DGKB: variants seen among roughly 807,000 people sequenced by gnomAD.
DGKB encodes the protein 90 kDa diacylglycerol kinase.
A neutral mutation model predicts 114.3 loss-of-function variants in DGKB; 67 were observed. The observed-to-expected ratio is 0.59, with a 90% CI of 0.48 to 0.72. The LOEUF is 0.72. Ranked by LOEUF, DGKB falls within the 30% of genes least tolerant of loss-of-function variation. The pLI, the probability that DGKB is intolerant of heterozygous loss-of-function variation, is 0.00. For missense variants in DGKB, 907 were observed against 975.2 expected (o/e 0.93, Z 0.93); for synonymous variants, 398 against 323.1 (o/e 1.23, Z -2.49).
At chr7:14,260,331 A>T (rs1025778829) in intron 23 of DGKB, among the ~76,000 whole-genome samples, 5 of 152,200 alleles carry the variant, frequency 3.3e-5, no homozygotes, top group African/African-American at 1.2e-4. Flanking sequence ...TGATTATGGT[A>T]TGAATTTGGA....
chr7:14,699,357 A>G (rs1261466492), intron 7 of DGKB, among the ~76,000 whole-genome samples: 1 of 152,070 alleles, frequency 6.6e-6, no homozygotes, highest in Non-Finnish European at 1.5e-5. Flanking sequence ...AAGTTCCCGG[A>G]TATCTTTTAA....
intron 1 of DGKB, among the ~76,000 whole-genome samples, chr7:14,873,011 C>A (rs371837693): frequency 3.5e-4 from 53 of 151,972 alleles, no homozygotes; most frequent in African/African-American, 1.0e-3. Flanking sequence ...GCCTCCGATG[C>A]CAAAGTGTAA....
Position 14,147,991 on chromosome 7 carries a change from G to C in DGKB, c.*1140C>G, listed in dbSNP as rs559355162. The stretch of plus-strand genomic sequence containing the variant: ...TGCATGATTCGCTTCCAAGAGCTCA[G>C]TATTATTACAGGTACCCATTTATAC... On this transcript the variant is annotated 3_prime_UTR_variant, in exon 26 of 26. Coordinates refer to ENST00000402815, the MANE Select transcript of DGKB (RefSeq NM_001350709.2). 2.6e-5 allele frequency: 4 copies of C among 152,198 alleles called. No individual in the cohort carries two copies. Among genetic ancestry groups the C allele is most frequent in the African/African-American group, 9.6e-5 (4 of 41,552 alleles). 9.4% of individuals were successfully genotyped at this position (152,198 alleles called of 1,614,324 possible). A position where few individuals can be genotyped will look rare whatever the true frequency, so the allele number is the denominator to read the frequency against.
intron 13 of DGKB, among the ~76,000 whole-genome samples, chr7:14,665,071 C>G (rs754533884): frequency 7.2e-5 from 11 of 152,052 alleles, no homozygotes; most frequent in Non-Finnish European, 1.6e-4. Context: ...TATCATACAA[C>G]TTCAACTTTA....
chr7:14,628,591 TATTTTAAGTTAAACATTTA>T (rs1219273426), intron 14 of DGKB, among the ~76,000 whole-genome samples: 1 of 152,174 alleles, frequency 6.6e-6, no homozygotes, highest in African/African-American at 2.4e-5. Flanking sequence ...TAAATGTACA[TATTTTAAGTTAAACATTTA>T]ATGTATGTAT....
chr7:14,744,226 G>A (rs2128417990), intron 4 of DGKB, among the ~76,000 whole-genome samples: 1 of 152,228 alleles, frequency 6.6e-6, no homozygotes, highest in Middle Eastern at 3.4e-3. Context: ...AACTATCTGT[G>A]AGTATTCTTA....
intron 5 of DGKB, among the ~76,000 whole-genome samples, chr7:14,733,812 GGGAA>G (rs147099330): frequency 0.2 from 30,128 of 149,048 alleles, 3,902 homozygotes; most frequent in East Asian, 0.5. Flanking sequence ...GAGGGAAGGA[GGGAA>G]GGAAGGAAGG....
chr7:14,191,008 G>T (rs924319519), intron 23 of DGKB: 1 of 154,650 alleles, frequency 6.5e-6, no homozygotes, highest in Non-Finnish European at 1.5e-5. Context: ...CCTGAACATG[G>T]TATCACCATT....
chr7:14,697,821 GGAGA>G (rs780492348), intron 8 of DGKB, among the ~76,000 whole-genome samples: 1 of 140,780 alleles, frequency 7.1e-6, no homozygotes, highest in South Asian at 2.3e-4. Flanking sequence ...AGAAAGGAAA[GGAGA>G]GAGAGAGAAG....
chr7:14,846,625 A>G (rs1279563179), intron 1 of DGKB, among the ~76,000 whole-genome samples: 1 of 152,190 alleles, frequency 6.6e-6, no homozygotes, highest in Non-Finnish European at 1.5e-5. Flanking sequence ...GTTCCCCTGC[A>G]GAAGTCTTTC....
chr7:14,622,913 A>G (rs1807916993), intron 14 of DGKB, among the ~76,000 whole-genome samples: 1 of 152,170 alleles, frequency 6.6e-6, no homozygotes, highest in Non-Finnish European at 1.5e-5. Context: ...GATGTGGTCA[A>G]ATGTCAGAGA....
chr7:14,670,284 T>C (rs1050225591), intron 13 of DGKB, among the ~76,000 whole-genome samples: 2 of 49,270 alleles, frequency 4.1e-5, no homozygotes, highest in Non-Finnish European at 6.7e-5. Flanking sequence ...TATGTTATAC[T>C]ATATATATAT....
At chr7:14,259,725 C>T (rs1056476432) in intron 23 of DGKB, among the ~76,000 whole-genome samples, 4 of 152,186 alleles carry the variant, frequency 2.6e-5, no homozygotes, top group African/African-American at 9.7e-5. Context: ...CGTGCCCAGC[C>T]AAAGTCAATG....
At chr7:14,476,402 A>G (rs1384862545) in intron 21 of DGKB, among the ~76,000 whole-genome samples, 4 of 152,110 alleles carry the variant, frequency 2.6e-5, no homozygotes, top group Non-Finnish European at 5.9e-5. Context: ...CTAGGTACAA[A>G]GGCAACTTAT....
Position 14,659,035 on chromosome 7 carries a change from G to C in DGKB, c.1134+13894C>G, listed in dbSNP as rs149491160. ...ATCATCTAGGTTTCAAGCCCCACAT[G>C]CATTAGGTATTTGTCCTAATGTTCT... On this transcript the variant is annotated intron_variant, in intron 13 of 25. Coordinates refer to ENST00000402815, the MANE Select transcript of DGKB (RefSeq NM_001350709.2). Among the ~76,000 whole-genome samples the C allele has an allele frequency of 2.9e-3, 437 of 151,954 alleles. 2 individuals are homozygous for C. Among genetic ancestry groups the C allele is most frequent in the Non-Finnish European group, 3.9e-3 (262 of 67,908 alleles).
At chr7:14,567,594 G>GATATATATATAT (rs577240186) in intron 20 of DGKB, among the ~76,000 whole-genome samples, 1 of 98,450 alleles carries the variant, frequency 1.0e-5, no homozygotes, top group African/African-American at 3.9e-5. Context: ...TATAAATAAA[G>GATATATATATAT]ATATATATAT....
intron 22 of DGKB, among the ~76,000 whole-genome samples, chr7:14,340,489 C>A (rs1414109501): frequency 6.6e-6 from 1 of 151,264 alleles, no homozygotes. Flanking sequence ...GCAGCAGTAA[C>A]AACAAAAGTC....
intron 23 of DGKB, among the ~76,000 whole-genome samples, chr7:14,272,319 ACT>A (rs1798380038): frequency 6.6e-6 from 1 of 152,062 alleles, no homozygotes; most frequent in Non-Finnish European, 1.5e-5. Flanking sequence ...TGGTACTAAC[ACT>A]CTTTTTGAAA....
intron 1 of DGKB, among the ~76,000 whole-genome samples, chr7:14,922,639 T>A (rs959209669): frequency 6.6e-6 from 1 of 152,068 alleles, no homozygotes; most frequent in Non-Finnish European, 1.5e-5. Context: ...GCCAAGAACA[T>A]CCTAAGTTGT....
Sources: allele counts gnomAD v4.1 joint callset (sites outside exome capture counted in the v4.1 genomes callset), GRCh38; gene constraint gnomAD v4.1.1; transcripts MANE v1.5; gene names NCBI Gene and HGNC (gene_info 2026-07-23, HGNC 2026-07-21).